Variants in PTPRD observed in about 807,000 individuals in gnomAD.
PTPRD encodes the protein protein tyrosine phosphatase receptor type D.
Under a neutral mutation model 214.5 loss-of-function variants are expected in PTPRD, and 34 were observed. That is an observed-to-expected ratio of 0.16 (90% CI 0.12 to 0.21). PTPRD has a LOEUF of 0.21. Among genes scored for constraint, PTPRD ranks in the 10% least tolerant of loss-of-function variants. PTPRD has a pLI of 1.00. For synonymous variants in PTPRD, 1,128 were observed against 845.7 expected (o/e 1.33, Z -5.79); for missense variants, 2,545 against 2,398.7 (o/e 1.06, Z -1.27).
At chr9:10,282,882 A>T (rs10959014) in intron 3 of PTPRD, among the ~76,000 whole-genome samples, 55,578 of 151,906 alleles carry the variant, frequency 0.37, 12,973 homozygotes, top group African/African-American at 0.64. Context: ...CCTCAAAGAA[A>T]CCTTCCTTGA....
chr9:8,609,204 A>T (rs1452217689), intron 14 of PTPRD, among the ~76,000 whole-genome samples: 1 of 152,218 alleles, frequency 6.6e-6, no homozygotes, highest in African/African-American at 2.4e-5. Context: ...CGGGAAGATG[A>T]GACATATTAA....
chr9:9,487,858 A>C (rs991946966), intron 8 of PTPRD, among the ~76,000 whole-genome samples: 7 of 152,154 alleles, frequency 4.6e-5, no homozygotes, highest in African/African-American at 7.2e-5. Flanking sequence ...AATAATTCCC[A>C]GTATTTGATA....
intron 7 of PTPRD, among the ~76,000 whole-genome samples, chr9:9,611,792 G>C (rs866869287): frequency 6.6e-6 from 1 of 151,904 alleles, no homozygotes; most frequent in African/African-American, 2.4e-5. Flanking sequence ...GTTAAAGTAT[G>C]GAATATTAAT....
chr9:9,741,373 G>A (rs1768884), intron 6 of PTPRD, among the ~76,000 whole-genome samples: 89 of 151,688 alleles, frequency 5.9e-4, no homozygotes, highest in Non-Finnish European at 1.1e-3. Context: ...TTTTTACAAG[G>A]AGTAGTATGT....
intron 8 of PTPRD, among the ~76,000 whole-genome samples, chr9:9,469,073 C>T (rs2094417939): frequency 6.6e-6 from 1 of 151,838 alleles, no homozygotes; most frequent in Admixed American, 6.6e-5. Context: ...AATGTTTGGC[C>T]CAAATTGGGA....
intron 10 of PTPRD, among the ~76,000 whole-genome samples, chr9:9,081,257 G>A (rs777980767): frequency 6.6e-5 from 10 of 152,166 alleles, no homozygotes; most frequent in Middle Eastern, 3.4e-3. Flanking sequence ...TATTTACCCA[G>A]TAGTCATTCA....
At chr9:10,476,658 C>G (rs558374984) in intron 2 of PTPRD, among the ~76,000 whole-genome samples, 1 of 152,148 alleles carries the variant, frequency 6.6e-6, no homozygotes, top group Non-Finnish European at 1.5e-5. Context: ...TATACGGAAC[C>G]AAAAAATAGC....
chr9:8,726,174 C>T (rs752225165), intron 12 of PTPRD, among the ~76,000 whole-genome samples: 9 of 152,062 alleles, frequency 5.9e-5, no homozygotes, highest in Non-Finnish European at 8.8e-5. Flanking sequence ...AATCACAGGA[C>T]CTTTCTCTTT....
At chr9:9,445,494 G>T (rs911355751) in intron 8 of PTPRD, among the ~76,000 whole-genome samples, 3 of 152,124 alleles carry the variant, frequency 2.0e-5, no homozygotes, top group Non-Finnish European at 2.9e-5. Flanking sequence ...AATGAAAGAG[G>T]TTTAATTGAC....
intron 5 of PTPRD, among the ~76,000 whole-genome samples, chr9:9,773,868 G>A (rs2098774333): frequency 6.6e-6 from 1 of 152,116 alleles, no homozygotes; most frequent in African/African-American, 2.4e-5. Context: ...GATAAGCACT[G>A]TTCTTAGTGG....
At chr9:9,368,904 C>A (rs536532540) in intron 9 of PTPRD, among the ~76,000 whole-genome samples, 3 of 152,004 alleles carry the variant, frequency 2.0e-5, no homozygotes, top group South Asian at 4.2e-4. Context: ...AATGTTATCC[C>A]TCCCCACTCC....
At chr9:8,503,097 T>C (rs1052898793) in intron 23 of PTPRD, among the ~76,000 whole-genome samples, 2 of 151,994 alleles carry the variant, frequency 1.3e-5, no homozygotes, top group African/African-American at 4.8e-5. Context: ...CACTAATAGA[T>C]TAAACATGAT....
At chr9:10,531,480 C>T (rs962655728) in intron 2 of PTPRD, among the ~76,000 whole-genome samples, 3 of 152,034 alleles carry the variant, frequency 2.0e-5, no homozygotes, top group African/African-American at 7.3e-5. Context: ...AAAATGGTAG[C>T]ATATTAAATA....
chr9:9,684,635 T>A (rs551340007), intron 7 of PTPRD, among the ~76,000 whole-genome samples: 36 of 151,726 alleles, frequency 2.4e-4, no homozygotes, highest in African/African-American at 8.2e-4. Flanking sequence ...AAGGCCTTTT[T>A]TGTTAGCAAT....
rs189853077 is a variant in PTPRD, at chr9:8,440,322, T to A, written c.3989-3633A>T. 1.8e-3 allele frequency among the ~76,000 whole-genome samples: 271 copies of A among 149,942 alleles called. 1 individual carries two copies. Among genetic ancestry groups the A allele is most frequent in the African/African-American group, 4.5e-3 (185 of 41,190 alleles). ...AAATGTACAATAGAAATGTATTATTTTTTTTTTTTTTGAGATGTAGTCTCA... is the reference window on the plus strand; with the variant it reads ...AAATGTACAATAGAAATGTATTATTATTTTTTTTTTTGAGATGTAGTCTCA... On this transcript the variant is annotated intron_variant, in intron 34 of 45. Coordinates refer to ENST00000381196, the MANE Select transcript of PTPRD (RefSeq NM_002839.4).
intron 3 of PTPRD, among the ~76,000 whole-genome samples, chr9:10,274,847 A>C (rs987601154): frequency 1.3e-5 from 2 of 152,108 alleles, no homozygotes; most frequent in African/African-American, 4.8e-5. Flanking sequence ...GACATTCAGG[A>C]TCTAGACAGC....
At chr9:9,392,657 T>C (rs887705516) in intron 9 of PTPRD, among the ~76,000 whole-genome samples, 17 of 152,170 alleles carry the variant, frequency 1.1e-4, no homozygotes, top group African/African-American at 4.1e-4. Flanking sequence ...TCTCTGAATT[T>C]TCGAACTTTG....
At chr9:8,590,033 T>C (rs571295656) in intron 14 of PTPRD, among the ~76,000 whole-genome samples, 2 of 152,232 alleles carry the variant, frequency 1.3e-5, no homozygotes, top group East Asian at 3.9e-4. Context: ...CGTCGGTTTT[T>C]GCAATGTTCA....
At chr9:8,506,020 A>G (rs765634600) in intron 22 of PTPRD, among the ~76,000 whole-genome samples, 1 of 152,204 alleles carries the variant, frequency 6.6e-6, no homozygotes, top group Non-Finnish European at 1.5e-5. Flanking sequence ...CTTGATTTAT[A>G]TTGGCTTTGT....
Sources: gnomAD v4.1 joint callset for allele counts (sites outside exome capture counted in the v4.1 genomes callset) on GRCh38, gnomAD v4.1.1 for gene constraint, MANE v1.5 for transcripts, NCBI Gene and HGNC (gene_info 2026-07-23, HGNC 2026-07-21) for gene names.